Variants in SEC14L1 observed in about 807,000 individuals in gnomAD.
SEC14L1 encodes SEC14 like lipid binding 1.
A neutral mutation model predicts 85.3 loss-of-function variants in SEC14L1; 48 were observed. The ratio of observed to expected loss-of-function variants is 0.56; its 90% confidence interval spans 0.45 to 0.72. The LOEUF is 0.72. Among genes scored for constraint, SEC14L1 ranks in the 30% least tolerant of loss-of-function variants. SEC14L1 has a pLI of 0.00. For synonymous variants in SEC14L1, 391 were observed against 355.5 expected, an observed-to-expected ratio of 1.10 and a Z score of -1.12; for missense variants, 682 against 921.4, an observed-to-expected ratio of 0.74 and a Z score of 3.36.
intron 3 of SEC14L1, among the ~76,000 whole-genome samples, chr17:77,152,083 C>T (rs1349104175): frequency 6.6e-6 from 1 of 152,184 alleles, no homozygotes; most frequent in African/African-American, 2.4e-5. Context: ...TCAAGGAGCC[C>T]TGCCTCAGCC....
At chr17:77,194,965 C>T (rs1352464257) in intron 7 of SEC14L1, 54 bp downstream of exon 7, 1 of 1,339,688 alleles carries the variant, frequency 7.5e-7, no homozygotes, top group East Asian at 2.3e-5. Flanking sequence ...GTCGGCGTTG[C>T]CGTTTTCTCT....
At chr17:77,123,056 GT>G (rs576509405) in intron 3 of SEC14L1, among the ~76,000 whole-genome samples, 3,899 of 141,924 alleles carry the variant, frequency 0.027, 117 homozygotes, top group African/African-American at 0.059. Context: ...TTTTGTTTTT[GT>G]TTTTTTTTTT....
chr17:77,154,420 C>T (rs1349673997), intron 3 of SEC14L1, among the ~76,000 whole-genome samples: 2 of 152,338 alleles, frequency 1.3e-5, no homozygotes, highest in East Asian at 3.9e-4. Context: ...TGCAGTGCCA[C>T]TCTGGCCTGT....
At chr17:77,180,519 C>T (rs1019489787) in intron 3 of SEC14L1, among the ~76,000 whole-genome samples, 2 of 152,144 alleles carry the variant, frequency 1.3e-5, no homozygotes, top group Non-Finnish European at 2.9e-5. Context: ...CCTAGGCTCC[C>T]GCGATCCTCC....
Position 77,144,620 on chromosome 17 carries a change from T to C in SEC14L1, c.63+961T>C, listed in dbSNP as rs555164813. ...AGGGTTTGTTTTAAAATTTATTTTATTTATTTTTTTGAGACAGCGTCTCAC... is the reference window on the plus strand; with the variant it reads ...AGGGTTTGTTTTAAAATTTATTTTACTTATTTTTTTGAGACAGCGTCTCAC... On this transcript the variant is annotated intron_variant, in intron 3 of 16. Coordinates refer to ENST00000436233, the MANE Select transcript of SEC14L1 (RefSeq NM_001143998.2). 4 of 151,446 alleles carry C rather than the reference T, an allele frequency of 2.6e-5. No homozygotes were observed. The South Asian group carries it at 6.2e-4, about 24-fold the overall frequency. 9.4% of individuals were successfully genotyped at this position (151,446 alleles called of 1,614,324 possible).
Position 77,214,793 on chromosome 17 carries a change from T to C in SEC14L1, c.*770T>C. On this transcript the variant is annotated 3_prime_UTR_variant, in exon 17 of 17. Transcript: ENST00000436233. ...CTTGGGTGGGGGGGTTCTTCCCGTTTCCTTCCGTGCGTCGCCCCTCTCACC... is the reference window on the plus strand; with the variant it reads ...CTTGGGTGGGGGGGTTCTTCCCGTTCCCTTCCGTGCGTCGCCCCTCTCACC... 1 of 985,568 alleles carries C rather than the reference T, an allele frequency of 1.0e-6. No individual in the cohort carries two copies. Among genetic ancestry groups the C allele is most frequent in the Non-Finnish European group, 1.2e-6 (1 of 830,044 alleles). 61.1% of individuals were successfully genotyped at this position (985,568 alleles called of 1,614,324 possible). A position where few individuals can be genotyped will look rare whatever the true frequency, so the allele number is the denominator to read the frequency against.
intron 3 of SEC14L1, among the ~76,000 whole-genome samples, chr17:77,159,547 A>G (rs1973965737): frequency 2.0e-5 from 3 of 151,068 alleles, no homozygotes; most frequent in Non-Finnish European, 4.4e-5. Flanking sequence ...AGCCTAGCTA[A>G]TTTTTGTATT....
At chr17:77,158,774 A>G (rs141379886) in intron 3 of SEC14L1, among the ~76,000 whole-genome samples, 2,091 of 122,542 alleles carry the variant, frequency 0.017, 48 homozygotes, top group Admixed American at 0.047. Flanking sequence ...TTAAAGTTTC[A>G]ATTACATTTT....
intron 2 of SEC14L1, chr17:77,090,226 AG>A (rs1971476175): frequency 6.7e-6 from 1 of 150,304 alleles, no homozygotes; most frequent in South Asian, 2.1e-4. Context: ...CGGGAGGTGG[AG>A]GTTCCAGTGA....
At chr17:77,161,294 C>T (rs1252498043) in intron 3 of SEC14L1, among the ~76,000 whole-genome samples, 1 of 152,194 alleles carries the variant, frequency 6.6e-6, no homozygotes, top group African/African-American at 2.4e-5. Flanking sequence ...TGAGGCCAGT[C>T]TGGCCAACAT....
chr17:77,128,549 C>T (rs1480808690), intron 3 of SEC14L1, among the ~76,000 whole-genome samples: 2 of 150,684 alleles, frequency 1.3e-5, no homozygotes, highest in African/African-American at 4.9e-5. Flanking sequence ...ACCTCTGCTT[C>T]TCGGGTTCAA....
intron 3 of SEC14L1, among the ~76,000 whole-genome samples, chr17:77,100,359 C>T (rs755298948): frequency 9.4e-5 from 14 of 149,668 alleles, no homozygotes; most frequent in Non-Finnish European, 1.9e-4. Flanking sequence ...GTATTGTTGT[C>T]CCTGTTAATT....
intron 2 of SEC14L1, among the ~76,000 whole-genome samples, chr17:77,092,011 C>T (rs954922648): frequency 3.9e-5 from 6 of 152,070 alleles, no homozygotes; most frequent in Non-Finnish European, 8.8e-5. Flanking sequence ...GGGGTTTCGC[C>T]ATTTTGGCCA....
intron 3 of SEC14L1, among the ~76,000 whole-genome samples, chr17:77,155,338 C>T (rs1267558740): frequency 6.6e-6 from 1 of 152,054 alleles, no homozygotes; most frequent in Non-Finnish European, 1.5e-5. Context: ...ACCCACACAC[C>T]CACCCCAGTA....
chr17:77,186,088 C>T lies in SEC14L1; in HGVS notation c.64-4715C>T, dbSNP rs187065378. Among the ~76,000 whole-genome samples, 3 of 152,328 alleles carry T rather than the reference C, an allele frequency of 2.0e-5. No homozygotes were observed. In the East Asian group the frequency reaches 5.8e-4, roughly 29 times the overall value. ...TTTGCATCCTTTCCAGACCATCCTG[C>T]GCATGAGTCTCTTATTAATTTTCTG... is the stretch of plus-strand genomic sequence containing the variant. On this transcript the variant is annotated intron_variant, in intron 3 of 16. Coordinates refer to ENST00000436233, the MANE Select transcript of SEC14L1 (RefSeq NM_001143998.2).
chr17:77,106,959 G>A (rs1567871414), intron 3 of SEC14L1, among the ~76,000 whole-genome samples: 5 of 152,164 alleles, frequency 3.3e-5, no homozygotes, highest in Admixed American at 1.3e-4. Context: ...GCTTGTATCC[G>A]GCCACCAGGG....
At position 77,214,273 on chromosome 17, in the gene SEC14L1, A is replaced by G. The variant is rs964165062; in HGVS notation, c.*250A>G. The stretch of plus-strand genomic sequence containing the variant: ...GTGCACAAAATCCAACCAGAGCGCA[A>G]GGGCTCTCTTGAAAGAAAAGTAGTT... On this transcript the variant is annotated 3_prime_UTR_variant, in exon 17 of 17. Coordinates refer to ENST00000436233, the MANE Select transcript of SEC14L1 (RefSeq NM_001143998.2). 1 of 1,296,496 alleles carries G rather than the reference A, an allele frequency of 7.7e-7. No homozygotes were observed. The highest frequency in any genetic ancestry group is 9.8e-7 in the Non-Finnish European group (1 of 1,022,078). 80.3% of individuals were successfully genotyped at this position (1,296,496 alleles called of 1,614,324 possible).
Position 77,169,353 on chromosome 17 carries a change from G to A in SEC14L1, c.64-21450G>A, listed in dbSNP as rs550011870. ...CTGACCTGCGGGGTCTTTAACTTGG[G>A]GGAATAGCAATGAGAGAGTCTTGCA... is the stretch of plus-strand genomic sequence containing the variant. On this transcript the variant is annotated intron_variant, in intron 3 of 16. Coordinates refer to ENST00000436233, the MANE Select transcript of SEC14L1 (RefSeq NM_001143998.2). 2.6e-5 allele frequency among the ~76,000 whole-genome samples: 4 copies of A among 152,282 alleles called. No individual in the cohort carries two copies. The East Asian group carries it at 7.7e-4, about 29-fold the overall frequency.
intron 3 of SEC14L1, among the ~76,000 whole-genome samples, chr17:77,128,983 CA>C (rs1422511853): frequency 2.6e-5 from 4 of 152,044 alleles, no homozygotes; most frequent in African/African-American, 9.7e-5. Flanking sequence ...GTCTTTTAAT[CA>C]TATTTTCATG....
Sources: allele counts gnomAD v4.1 joint callset (sites outside exome capture counted in the v4.1 genomes callset), GRCh38; gene constraint gnomAD v4.1.1; transcripts MANE v1.5; gene names NCBI Gene and HGNC (gene_info 2026-07-23, HGNC 2026-07-21).